FGF5: variants seen among roughly 807,000 people sequenced by gnomAD.
The protein encoded by FGF5 is fibroblast growth factor 5, also known as heparin-binding growth factor 5.
A neutral mutation model predicts 21.8 loss-of-function variants in FGF5; 23 were observed. That is an observed-to-expected ratio of 1.05 (90% confidence interval 0.76 to 1.49). The LOEUF is 1.49. Ranked by LOEUF, FGF5 falls within the 40% of genes most tolerant of loss-of-function variation. The pLI is 0.00. For synonymous variants in FGF5, 158 were observed against 124.0 expected (o/e 1.27, Z -1.82); for missense variants, 352 against 332.9 (o/e 1.06, Z -0.45).
At chr4:80,282,187 C>G (rs1258671464) in intron 2 of FGF5, among the ~76,000 whole-genome samples, 1 of 152,126 alleles carries the variant, frequency 6.6e-6, no homozygotes, top group African/African-American at 2.4e-5. Flanking sequence ...GTCTCGAACT[C>G]CTGACCTCAA....
intron 1 of FGF5, among the ~76,000 whole-genome samples, chr4:80,270,365 CTTT>C (rs567528190): frequency 2.1e-5 from 3 of 144,056 alleles, no homozygotes; most frequent in Non-Finnish European, 1.5e-5. Context: ...TGACAGTAAA[CTTT>C]TTTTTTTTTT....
chr4:80,283,694 G>GT (rs1720632422), intron 2 of FGF5, among the ~76,000 whole-genome samples: 1 of 151,868 alleles, frequency 6.6e-6, no homozygotes, highest in South Asian at 2.1e-4. Flanking sequence ...AATCACCGCT[G>GT]TTTTTGTGAA....
At chr4:80,283,914 A>T (rs1041802748) in intron 2 of FGF5, among the ~76,000 whole-genome samples, 9 of 152,234 alleles carry the variant, frequency 5.9e-5, no homozygotes, top group Non-Finnish European at 1.3e-4. Context: ...TTGAAATAAA[A>T]TGTTGGGATT....
chr4:80,282,954 C>G (rs932816979), intron 2 of FGF5, among the ~76,000 whole-genome samples: 1 of 152,046 alleles, frequency 6.6e-6, no homozygotes, highest in Non-Finnish European at 1.5e-5. Flanking sequence ...TAGCTAAGAC[C>G]TATGACTCTT....
At position 80,275,365 on chromosome 4, in the gene FGF5, T is replaced by C. The variant is rs374010997; in HGVS notation, c.459+353T>C. 1.9e-3 allele frequency among the ~76,000 whole-genome samples: 291 copies of C among 152,072 alleles called. 11 individuals are homozygous for C. The South Asian group carries it at 0.058, about 30-fold the overall frequency. On this transcript the variant is annotated intron_variant, in intron 2 of 2. Transcript: ENST00000312465. ...TTTAAACTTACAAGTTTATAGTGACTGTATTTGTGCTAAGTAGATGAGGTT... is the reference window on the plus strand; with the variant it reads ...TTTAAACTTACAAGTTTATAGTGACCGTATTTGTGCTAAGTAGATGAGGTT...
chr4:80,286,288 C>A, intron 2 of FGF5, 37 bp from the exon 3 acceptor site: 1 of 1,426,844 alleles, frequency 7.0e-7, no homozygotes, highest in Non-Finnish European at 9.5e-7. Flanking sequence ...GAAAAGATCG[C>A]CACAACTTAA....
intron 2 of FGF5, among the ~76,000 whole-genome samples, chr4:80,276,948 T>C (rs1422004586): frequency 6.6e-6 from 1 of 151,992 alleles, no homozygotes; most frequent in Non-Finnish European, 1.5e-5. Context: ...TGAGTGAAAA[T>C]CTTAACTTTC....
intron 2 of FGF5, among the ~76,000 whole-genome samples, chr4:80,279,608 A>G (rs1720501506): frequency 6.6e-6 from 1 of 152,174 alleles, no homozygotes; most frequent in Non-Finnish European, 1.5e-5. Flanking sequence ...CCTCTTAAAG[A>G]GGCATGGATT....
chr4:80,286,651 A>G lies in FGF5; in HGVS notation c.786A>G (p.Arg262=), dbSNP rs1229641305. The change falls in exon 3 of 3, where the codon AGA becomes AGG. Residue 262 remains arginine, a synonymous_variant. Transcript: ENST00000312465. ...AAAATACCAACTCAGTGAAATACAG[A>G]CTCAAGTTTCGCTTTGGATAATATT... ...PRKNTNSVKY[R]LKFRFG 1 of 1,613,572 alleles carries G rather than the reference A, an allele frequency of 6.2e-7. No individual in the cohort carries two copies. The highest frequency in any genetic ancestry group is 1.3e-5 in the African/African-American group (1 of 74,922).
chr4:80,285,855 C>T (rs534024560), intron 2 of FGF5, among the ~76,000 whole-genome samples: 1 of 152,104 alleles, frequency 6.6e-6, no homozygotes, highest in Non-Finnish European at 1.5e-5. Flanking sequence ...TGAAAAAATG[C>T]AAGCTTGTTT....
intron 2 of FGF5, among the ~76,000 whole-genome samples, chr4:80,285,072 T>G (rs997792299): frequency 3.3e-5 from 5 of 152,158 alleles, no homozygotes; most frequent in Non-Finnish European, 7.4e-5. Context: ...GAATCCTCCT[T>G]TGGATTCTCA....
At chr4:80,286,085 TCA>T (rs2109930422) in intron 2 of FGF5, among the ~76,000 whole-genome samples, 1 of 152,276 alleles carries the variant, frequency 6.6e-6, no homozygotes, top group African/African-American at 2.4e-5. Context: ...CGATATTATG[TCA>T]CCAAGTAAGT....
At chr4:80,275,142 A>C in intron 2 of FGF5, 130 bp downstream of exon 2, 1 of 461,426 alleles carries the variant, frequency 2.2e-6, no homozygotes, top group Non-Finnish European at 3.8e-6. Context: ...GTATTTTTAC[A>C]TTTAACCAAG....
chr4:80,272,603 T>A lies in FGF5; in HGVS notation c.356-2306T>A, dbSNP rs190242665. On this transcript the variant is annotated intron_variant, in intron 1 of 2. Transcript: ENST00000312465. ...GTTAGCATATAAACACATACACTTA[T>A]GAGACTTTAATCTTTTATTCTGCCA... 2.4e-3 allele frequency among the ~76,000 whole-genome samples: 359 copies of A among 152,292 alleles called. 1 individual carries two copies. The highest frequency in any genetic ancestry group is 0.017 in the Middle Eastern group (5 of 288).
chr4:80,275,899 T>C (rs1720397452), intron 2 of FGF5, among the ~76,000 whole-genome samples: 1 of 152,078 alleles, frequency 6.6e-6, no homozygotes, highest in African/African-American at 2.4e-5. Context: ...TTCTTTATAG[T>C]CTTTATTAAA....
At position 80,286,673 on chromosome 4, in the gene FGF5, T is replaced by C. The variant is rs1720739808; in HGVS notation, c.*1T>C. Reference sequence around the variant, plus strand: ...CAGACTCAAGTTTCGCTTTGGATAATATTCCTCTTGGCCTTGTGAGAAACC... The same window carrying C: ...CAGACTCAAGTTTCGCTTTGGATAACATTCCTCTTGGCCTTGTGAGAAACC... On this transcript the variant is annotated 3_prime_UTR_variant, in exon 3 of 3. Transcript: ENST00000312465. 2 of 1,610,654 alleles carry C rather than the reference T, an allele frequency of 1.2e-6. No homozygotes were observed. Among genetic ancestry groups the C allele is most frequent in the South Asian group, 2.2e-5 (2 of 91,014 alleles).
chr4:80,280,692 T>C lies in FGF5; in HGVS notation c.460-5633T>C, dbSNP rs35304206. On this transcript the variant is annotated intron_variant, in intron 2 of 2. Coordinates refer to ENST00000312465, the MANE Select transcript of FGF5 (RefSeq NM_004464.4). ...TGGAATTACTGTGAGTTAAATTATA[T>C]ATGTAAACCACCTGACACAGAGTAG... is the stretch of plus-strand genomic sequence containing the variant. 4.8e-3 allele frequency among the ~76,000 whole-genome samples: 724 copies of C among 152,316 alleles called. 2 individuals carry two copies. The highest frequency in any genetic ancestry group is 0.015 in the African/African-American group (613 of 41,580).
At chr4:80,284,039 G>A (rs35662177) in intron 2 of FGF5, among the ~76,000 whole-genome samples, 1,639 of 152,322 alleles carry the variant, frequency 0.011, 19 homozygotes, top group Non-Finnish European at 0.018. Context: ...TGTGGTCTTC[G>A]AAAGTGATGT....
chr4:80,266,792 C>T lies in FGF5; in HGVS notation c.-33C>T. 1 of 1,524,202 alleles carries T rather than the reference C, an allele frequency of 6.6e-7. No homozygotes were observed. Among genetic ancestry groups the T allele is most frequent in the Non-Finnish European group, 8.8e-7 (1 of 1,133,074 alleles). 94.4% of individuals were successfully genotyped at this position (1,524,202 alleles called of 1,614,324 possible). ...GCTACAGAGCCCAGAATCAGCCCTA[C>T]AAGATGCACTTAGGACCCCCGCGGC... On this transcript the variant is annotated 5_prime_UTR_variant, in exon 1 of 3. Transcript: ENST00000312465.
Sources: gnomAD v4.1 joint callset for allele counts (sites outside exome capture counted in the v4.1 genomes callset) on GRCh38, gnomAD v4.1.1 for gene constraint, MANE v1.5 for transcripts, NCBI Gene and HGNC (gene_info 2026-07-23, HGNC 2026-07-21) for gene names.